KALRN: variants seen among roughly 807,000 people sequenced by gnomAD.
The protein encoded by KALRN is kalirin RhoGEF kinase.
A neutral mutation model predicts 353.7 loss-of-function variants in KALRN; 70 were observed. The ratio of observed to expected loss-of-function variants is 0.20; its 90% CI spans 0.16 to 0.24. KALRN has a LOEUF of 0.24. KALRN is among the 10% of genes least tolerant of loss of function. The pLI is 1.00. For missense variants in KALRN, 2,791 were observed against 3,756.7 expected (o/e 0.74, Z 6.72); for synonymous variants, 1,391 against 1,434.8 (o/e 0.97, Z 0.69).
intron 1 of KALRN, among the ~76,000 whole-genome samples, chr3:124,060,552 T>C (rs1035327476): frequency 6.6e-6 from 1 of 152,216 alleles, no homozygotes; most frequent in Admixed American, 6.5e-5. Flanking sequence ...GCCTACTGGC[T>C]GCTGGGTTCC....
intron 47 of KALRN, among the ~76,000 whole-genome samples, chr3:124,670,230 C>G (rs542998198): frequency 1.3e-5 from 2 of 152,210 alleles, no homozygotes; most frequent in Non-Finnish European, 2.9e-5. Context: ...GTGATCCACC[C>G]GCCTTGGCCT....
At chr3:124,178,460 A>G (rs573738853) in intron 1 of KALRN, among the ~76,000 whole-genome samples, 68 of 152,238 alleles carry the variant, frequency 4.5e-4, no homozygotes, top group Non-Finnish European at 8.8e-4. Context: ...ATGTACTTAC[A>G]CAAATCTAGA....
chr3:124,478,589 A>T (rs1321298699), intron 27 of KALRN, among the ~76,000 whole-genome samples: 1 of 152,204 alleles, frequency 6.6e-6, no homozygotes, highest in Non-Finnish European at 1.5e-5. Context: ...ACCTGGGGTT[A>T]GATTTGGAAC....
At position 124,602,854 on chromosome 3, in the gene KALRN, A is replaced by G. The variant is rs2076943328; in HGVS notation, c.5183-29566A>G. Reference sequence around the variant, plus strand: ...AGCTGAGGCTTAGAGAGATTAAATGATTCTCCCAAGAGTACTTAGTTTGTG... The same window carrying G: ...AGCTGAGGCTTAGAGAGATTAAATGGTTCTCCCAAGAGTACTTAGTTTGTG... On this transcript the variant is annotated intron_variant, in intron 34 of 59. Coordinates refer to ENST00000682506, the MANE Select transcript of KALRN (RefSeq NM_001388419.1). 3.9e-5 allele frequency among the ~76,000 whole-genome samples: 6 copies of G among 152,066 alleles called. No homozygotes were observed. The South Asian group carries it at 1.2e-3, about 32-fold the overall frequency.
At chr3:124,426,051 A>G (rs2093003027) in intron 15 of KALRN, among the ~76,000 whole-genome samples, 1 of 152,208 alleles carries the variant, frequency 6.6e-6, no homozygotes, top group Non-Finnish European at 1.5e-5. Flanking sequence ...GAAATCTACC[A>G]AGCCCTTTGC....
chr3:124,298,774 C>T lies in KALRN; in HGVS notation c.970-17C>T, dbSNP rs1257480354. ...CATGACCATTCTGATTATGCTGTGC[C>T]TTCTTGTCCTCTCTAGATGTTTGAC... is the stretch of plus-strand genomic sequence containing the variant. On this transcript the variant is annotated splice_polypyrimidine_tract_variant and intron_variant, in intron 5 of 59. Transcript: ENST00000682506. 6.2e-7 allele frequency: 1 copy of T among 1,614,032 alleles called. No homozygotes were observed. The highest frequency in any genetic ancestry group is 8.5e-7 in the Non-Finnish European group (1 of 1,179,954).
At chr3:124,091,564 G>C (rs997189414) in intron 1 of KALRN, among the ~76,000 whole-genome samples, 2 of 152,066 alleles carry the variant, frequency 1.3e-5, no homozygotes, top group African/African-American at 4.8e-5. Context: ...GCCAAGGAAA[G>C]AAGAAGGAAC....
At chr3:124,043,866 G>T (rs993150493) in intron 1 of KALRN, among the ~76,000 whole-genome samples, 8 of 152,154 alleles carry the variant, frequency 5.3e-5, no homozygotes, top group Non-Finnish European at 2.9e-5. Context: ...GTATGAGTCA[G>T]AAAGGCAAGC....
intron 6 of KALRN, among the ~76,000 whole-genome samples, chr3:124,316,675 C>T (rs2078844219): frequency 6.6e-6 from 1 of 152,222 alleles, no homozygotes; most frequent in Non-Finnish European, 1.5e-5. Flanking sequence ...TCTCCAGCCC[C>T]ATCACGTGCT....
chr3:124,462,757 T>C, intron 25 of KALRN, 124 bp downstream of exon 25: 1 of 605,928 alleles, frequency 1.7e-6, no homozygotes, highest in Non-Finnish European at 2.9e-6. Context: ...AGGCAGTTGC[T>C]GTCAGACTTC....
intron 1 of KALRN, among the ~76,000 whole-genome samples, chr3:124,157,878 T>A (rs1364468583): frequency 6.6e-6 from 1 of 152,204 alleles, no homozygotes. Flanking sequence ...CGAATGCCCC[T>A]GGTCCCAGCT....
chr3:124,192,461 G>A (rs1371913814), intron 1 of KALRN, among the ~76,000 whole-genome samples: 4 of 152,090 alleles, frequency 2.6e-5, no homozygotes, highest in African/African-American at 9.7e-5. Flanking sequence ...ACTGCTATTT[G>A]ATAGTACAAT....
intron 10 of KALRN, among the ~76,000 whole-genome samples, chr3:124,357,898 A>G (rs1274944670): frequency 6.6e-6 from 1 of 152,220 alleles, no homozygotes; most frequent in Non-Finnish European, 1.5e-5. Flanking sequence ...GTGCTATGGA[A>G]CGAATGCCTT....
intron 3 of KALRN, among the ~76,000 whole-genome samples, chr3:124,261,214 T>A: frequency 6.6e-6 from 1 of 152,180 alleles, no homozygotes; most frequent in Non-Finnish European, 1.5e-5. Context: ...AGTCCTGGTT[T>A]TGAATTTTCG....
intron 3 of KALRN, among the ~76,000 whole-genome samples, chr3:124,249,798 C>T (rs1284222781): frequency 6.6e-6 from 1 of 152,178 alleles, no homozygotes; most frequent in Admixed American, 6.5e-5. Context: ...TTTCAAGATC[C>T]AAACATGCAA....
chr3:124,673,668 C>T (rs1424898991), intron 48 of KALRN, among the ~76,000 whole-genome samples: 1 of 150,718 alleles, frequency 6.6e-6, no homozygotes, highest in Admixed American at 6.6e-5. Context: ...TGGCTCTTAC[C>T]ATGCTCTATG....
At chr3:124,158,635 T>C (rs1033357800) in intron 1 of KALRN, among the ~76,000 whole-genome samples, 3 of 152,164 alleles carry the variant, frequency 2.0e-5, no homozygotes, top group Admixed American at 6.5e-5. Flanking sequence ...CAACTCATCA[T>C]GTTAATGGGA....
At chr3:124,707,435 TTCCTTCCTTCCC>T (rs1217697087) in intron 57 of KALRN, among the ~76,000 whole-genome samples, 41 of 149,610 alleles carry the variant, frequency 2.7e-4, no homozygotes, top group Admixed American at 1.3e-4. Context: ...CCTTCCTTCC[TTCCTTCCTTCCC>T]TCCTTCCTTC....
intron 34 of KALRN, among the ~76,000 whole-genome samples, chr3:124,587,176 C>G (rs988186355): frequency 6.6e-6 from 1 of 152,170 alleles, no homozygotes; most frequent in Non-Finnish European, 1.5e-5. Context: ...ACCAGTTCCT[C>G]TGGTCTTAGG....
Sources: allele counts gnomAD v4.1 joint callset (sites outside exome capture counted in the v4.1 genomes callset), GRCh38; gene constraint gnomAD v4.1.1; transcripts MANE v1.5; gene names NCBI Gene and HGNC (gene_info 2026-07-23, HGNC 2026-07-21).